The following BST2 variants were observed in gnomAD, a reference collection of about 807,000 sequenced individuals.
BST2 encodes the protein bone marrow stromal cell antigen 2, also known as bone marrow stromal antigen 2.
In BST2, 10 loss-of-function variants were observed where a neutral mutation model predicts 18.6. That is an observed-to-expected ratio of 0.54 (90% CI 0.33 to 0.91). BST2 has a LOEUF of 0.91. Ranked by LOEUF, BST2 falls within the 40% of genes least tolerant of loss-of-function variation. The pLI is 0.02. For synonymous variants in BST2, 75 were observed against 96.8 expected (o/e 0.77, Z 1.32); for missense variants, 183 against 228.4 (o/e 0.80, Z 1.28).
intron 1 of BST2, 49 bp downstream of exon 1, chr19:17,405,242 C>T: frequency 2.0e-6 from 3 of 1,531,688 alleles, no homozygotes; most frequent in South Asian, 2.5e-5. Flanking sequence ...AGATTCTTGT[C>T]CCTCCCACCG....
At chr19:17,403,500 A>G (rs969809042) in intron 4 of BST2, among the ~76,000 whole-genome samples, 174 bp from the exon 5 acceptor site, 21 of 130,050 alleles carry the variant, frequency 1.6e-4, no homozygotes, top group African/African-American at 6.1e-4. Flanking sequence ...TACAGCTATC[A>G]GCCCGTCCCC....
At chr19:17,404,795 C>T (rs1568385171) in intron 1 of BST2, among the ~76,000 whole-genome samples, 1 of 152,294 alleles carries the variant, frequency 6.6e-6, no homozygotes, top group Non-Finnish European at 1.5e-5. Flanking sequence ...GGGATTTCCC[C>T]GCCCAAGTGA....
chr19:17,403,640 G>A, intron 4 of BST2, 40 bp downstream of exon 4: 1 of 1,553,236 alleles, frequency 6.4e-7, no homozygotes, highest in South Asian at 1.1e-5. Flanking sequence ...CGCTTCCCCA[G>A]CTTTCTTCTC....
In BST2 at chr19:17,403,663, GC is replaced by G. The variant is rs2074708817; in HGVS notation, c.*15+16del. The G allele has an allele frequency of 1.3e-6, 2 of 1,576,652 alleles. No individual in the cohort carries two copies. ...CAGCTTTCTTCTCCCTCCCGGGGCC[GC>G]CCCCTCCTCACTGACCAGCTTCCTG... On this transcript the variant is annotated intron_variant, in intron 4 of 4. Coordinates refer to ENST00000252593, the MANE Select transcript of BST2 (RefSeq NM_004335.4).
intron 4 of BST2, among the ~76,000 whole-genome samples, 172 bp from the exon 5 acceptor site, chr19:17,403,498 T>C (rs1259395397): frequency 1.5e-5 from 2 of 129,098 alleles, no homozygotes; most frequent in East Asian, 5.2e-4. Context: ...CATACAGCTA[T>C]CAGCCCGTCC....
In BST2 at chr19:17,405,502, C is replaced by T; in HGVS notation, c.74G>A (p.Gly25Glu). Reference sequence around the variant, plus strand: ...GATCAGGAGCACCAGAATTCCTATCCCCAGCAGAAGCTTACAGCGCTTATC... The same window carrying T: ...GATCAGGAGCACCAGAATTCCTATCTCCAGCAGAAGCTTACAGCGCTTATC... ...DGDKRCKLLL[G>E]IGILVLLIIV... The change falls in exon 1 of 5, where the codon GGG (glycine) becomes GAG (glutamate). Residue 25 changes from glycine to glutamate, a missense_variant. By Grantham distance (98) the Gly-to-Glu change is moderately conservative (BLOSUM62 -2). Transcript: ENST00000252593. The T allele has an allele frequency of 1.2e-5, 19 of 1,614,220 alleles. No homozygotes were observed. Among genetic ancestry groups the T allele is most frequent in the Non-Finnish European group, 1.6e-5 (19 of 1,180,032 alleles).
intron 1 of BST2, chr19:17,404,646 T>A (rs190143632): frequency 1.1e-5 from 7 of 647,288 alleles, no homozygotes; most frequent in Non-Finnish European, 1.8e-5. Context: ...AGCATGTGGG[T>A]CCTCAAAATG....
At chr19:17,403,986 G>C in intron 3 of BST2, 143 bp downstream of exon 3, 1 of 1,327,730 alleles carries the variant, frequency 7.5e-7, no homozygotes, top group Non-Finnish European at 1.0e-6. Context: ...TAGGGGCTAA[G>C]TTATCCTTTT....
chr19:17,404,897 C>G (rs914067449), intron 1 of BST2, among the ~76,000 whole-genome samples: 4 of 152,200 alleles, frequency 2.6e-5, no homozygotes, highest in Non-Finnish European at 4.4e-5. Flanking sequence ...CAAAAGCCCC[C>G]TTTTTCAGGG....
intron 3 of BST2, 62 bp from the exon 4 acceptor site, chr19:17,403,886 G>C: frequency 1.3e-6 from 2 of 1,571,476 alleles, no homozygotes; most frequent in South Asian, 2.4e-5. Flanking sequence ...CTCCCTGTAA[G>C]CCCACCGCCC....
intron 1 of BST2, among the ~76,000 whole-genome samples, chr19:17,404,697 C>T (rs541554005): frequency 6.6e-6 from 1 of 152,236 alleles, no homozygotes; most frequent in East Asian, 1.9e-4. Context: ...TGGAGGCTAT[C>T]GATAACCAAA....
At position 17,405,278 on chromosome 19, in the gene BST2, T is replaced by G. The variant is rs770097455; in HGVS notation, c.285+13A>C. ...CCTAGTACTAGGCCATCCAAAGGAG[T>G]TGAGGAGCTTACCACAGTGTGGTTG... On this transcript the variant is annotated intron_variant, in intron 1 of 4. Transcript: ENST00000252593. The G allele has an allele frequency of 3.8e-6, 6 of 1,599,988 alleles. No homozygotes were observed. Among genetic ancestry groups the G allele is most frequent in the African/African-American group, 2.7e-5 (2 of 74,624 alleles).
intron 4 of BST2, 55 bp downstream of exon 4, chr19:17,403,625 C>T (rs1038917290): frequency 6.4e-7 from 1 of 1,570,722 alleles, no homozygotes; most frequent in Non-Finnish European, 8.6e-7. Flanking sequence ...TCTGCTTCCC[C>T]GCCCCGCTTC....
In BST2 at chr19:17,405,567, A is replaced by C. The variant is rs781026630; in HGVS notation, c.9T>G (p.Ser3=). ...GCACTCTGCAATAGTCATACGAAGTAGATGCCATCCAGATCTCCCCTTTAG... is the reference window on the plus strand; with the variant it reads ...GCACTCTGCAATAGTCATACGAAGTCGATGCCATCCAGATCTCCCCTTTAG... The part of the protein sequence containing the change: MA[S]TSYDYCRVPM... The change falls in exon 1 of 5, where the codon TCT becomes TCG. Residue 3 remains serine, a synonymous_variant. Coordinates refer to ENST00000252593, the MANE Select transcript of BST2 (RefSeq NM_004335.4). 1 of 1,589,162 alleles carries C rather than the reference A, an allele frequency of 6.3e-7. No individual in the cohort carries two copies. The highest frequency in any genetic ancestry group is 1.1e-5 in the South Asian group (1 of 89,756).
Position 17,405,351 on chromosome 19 carries a change from G to A in BST2, c.225C>T (p.Thr75=), listed in dbSNP as rs752361927. ...CATCCTGAAAGCCCTTCTGGGCCTC[G>A]GTCAGCTCTTGTTGCAGGAGATGGG... The part of the protein sequence containing the change: ...NVTHLLQQEL[T]EAQKGFQDVE... The change falls in exon 1 of 5, where the codon ACC becomes ACT. Residue 75 remains threonine (T), a synonymous_variant. Coordinates refer to ENST00000252593, the MANE Select transcript of BST2 (RefSeq NM_004335.4). The A allele has an allele frequency of 4.0e-5, 64 of 1,614,032 alleles. No individual in the cohort carries two copies. The highest frequency in any genetic ancestry group is 1.2e-4 in the South Asian group (11 of 91,092).
In BST2 at chr19:17,403,631, G is replaced by T. The variant is rs919265; in HGVS notation, c.*15+49C>A. On this transcript the variant is annotated intron_variant, in intron 4 of 4. Coordinates refer to ENST00000252593, the MANE Select transcript of BST2 (RefSeq NM_004335.4). Reference sequence around the variant, plus strand: ...TTCGGAGCCTCTGCTTCCCCGCCCCGCTTCCCCAGCTTTCTTCTCCCTCCC... The same window carrying T: ...TTCGGAGCCTCTGCTTCCCCGCCCCTCTTCCCCAGCTTTCTTCTCCCTCCC... 7.6e-5 allele frequency: 118 copies of T among 1,558,938 alleles called. 2 individuals carry two copies. In the African/African-American group the frequency reaches 1.5e-3, roughly 20 times the overall value.
rs1313207941 is a variant in BST2, at chr19:17,405,383, T to C, written c.193A>G (p.Asn65Asp). 3 of 1,614,234 alleles carry C rather than the reference T, an allele frequency of 1.9e-6. No homozygotes were observed. Among genetic ancestry groups the C allele is most frequent in the Non-Finnish European group, 2.5e-6 (3 of 1,180,040 alleles). ...TCTTGTTGCAGGAGATGGGTGACAT[T>C]GCGACACTCCATCACTGCCCGAAGG... ...DGLRAVMECRNVTHLLQQELT... is the reference protein window; with the variant it reads ...DGLRAVMECRDVTHLLQQELT... The change falls in exon 1 of 5, where the codon AAT (asparagine) becomes GAT (aspartate). Residue 65 changes from asparagine to aspartate, a missense_variant. Physicochemically the swap from Asn to Asp is conservative, Grantham distance 23 (BLOSUM62 1). Transcript: ENST00000252593.
intron 3 of BST2, 105 bp downstream of exon 3, chr19:17,404,024 C>T: frequency 7.2e-7 from 1 of 1,394,068 alleles, no homozygotes; most frequent in Non-Finnish European, 9.8e-7. Context: ...TCCCTTGGGG[C>T]AATGGGGATT....
rs1290459481 is a variant in BST2 at position 17,405,376 on chromosome 19, G to A, written c.200C>T (p.Thr67Ile). 1 of 1,614,242 alleles carries A rather than the reference G, an allele frequency of 6.2e-7. No homozygotes were observed. The change falls in exon 1 of 5, where the codon ACC becomes ATC. Residue 67 changes from threonine to isoleucine, a missense_variant. Physicochemically the swap from Thr to Ile is moderately conservative, Grantham distance 89 (BLOSUM62 -1). Coordinates refer to ENST00000252593, the MANE Select transcript of BST2 (RefSeq NM_004335.4). ...LRAVMECRNV[T>I]HLLQQELTEA... ...GGTCAGCTCTTGTTGCAGGAGATGG[G>A]TGACATTGCGACACTCCATCACTGC...
Sources: allele counts gnomAD v4.1 joint callset (sites outside exome capture counted in the v4.1 genomes callset), GRCh38; gene constraint gnomAD v4.1.1; transcripts MANE v1.5; gene names NCBI Gene and HGNC (gene_info 2026-07-23, HGNC 2026-07-21).